The following NAALADL2 variants were observed in gnomAD, a reference collection of about 807,000 sequenced individuals.
NAALADL2 encodes the protein N-acetylated alpha-linked acidic dipeptidase like 2.
A neutral mutation model predicts 87.2 loss-of-function variants in NAALADL2; 76 were observed. That is an observed-to-expected ratio of 0.87 (90% CI 0.72 to 1.05). The LOEUF (loss-of-function observed/expected upper bound fraction) is 1.05, where lower values mean the gene tolerates loss of function less well. Ranked by LOEUF, NAALADL2 falls within the 50% of genes least tolerant of loss-of-function variation. The probability of loss-of-function intolerance (pLI) is 0.00; values close to 1 mark genes in which losing one functional copy is unlikely to be tolerated. For synonymous variants in NAALADL2, 354 were observed against 331.0 expected (o/e 1.07, Z -0.75); for missense variants, 1,089 against 945.8 (o/e 1.15, Z -1.99).
intron 2 of NAALADL2, among the ~76,000 whole-genome samples, chr3:174,720,460 A>T (rs1731605258): frequency 6.6e-6 from 1 of 152,176 alleles, no homozygotes; most frequent in Non-Finnish European, 1.5e-5. Context: ...ATAGCTACAG[A>T]TATGAATATA....
chr3:174,713,114 C>G (rs926692747), intron 2 of NAALADL2, among the ~76,000 whole-genome samples: 2 of 152,136 alleles, frequency 1.3e-5, no homozygotes, highest in Non-Finnish European at 2.9e-5. Flanking sequence ...TCATCCATGT[C>G]CCTACAAAGG....
intron 13 of NAALADL2, among the ~76,000 whole-genome samples, chr3:175,788,088 GTTTTTT>G (rs1004422588): frequency 9.6e-6 from 1 of 104,260 alleles, no homozygotes; most frequent in African/African-American, 3.7e-5. Context: ...TTTTTTACCT[GTTTTTT>G]TTTTTTTTTT....
intron 3 of NAALADL2, among the ~76,000 whole-genome samples, chr3:174,770,522 T>C (rs929720144): frequency 1.3e-5 from 2 of 152,208 alleles, no homozygotes; most frequent in African/African-American, 4.8e-5. Flanking sequence ...TCAGTAGGTT[T>C]TTGTCTTAAG....
At chr3:175,266,852 C>T (rs1752010807) in intron 4 of NAALADL2, among the ~76,000 whole-genome samples, 1 of 151,666 alleles carries the variant, frequency 6.6e-6, no homozygotes, top group African/African-American at 2.4e-5. Context: ...ATAGTACAAC[C>T]TGGTGAAGGT....
intron 2 of NAALADL2, among the ~76,000 whole-genome samples, chr3:174,570,060 C>G (rs567680961): frequency 6.6e-6 from 1 of 152,226 alleles, no homozygotes; most frequent in African/African-American, 2.4e-5. Flanking sequence ...CTGGAAAGCA[C>G]TTCCAGTCAG....
chr3:175,065,131 A>C (rs1714307893), intron 1 of NAALADL2, among the ~76,000 whole-genome samples: 1 of 152,138 alleles, frequency 6.6e-6, no homozygotes, highest in Admixed American at 6.6e-5. Context: ...AGTGACTTTG[A>C]TGTCAGAGCT....
intron 10 of NAALADL2, among the ~76,000 whole-genome samples, chr3:175,593,993 T>C (rs935413145): frequency 2.6e-5 from 4 of 151,950 alleles, no homozygotes; most frequent in Admixed American, 2.6e-4. Flanking sequence ...TTTTTTTTTT[T>C]TAATTTCAAC....
intron 2 of NAALADL2, among the ~76,000 whole-genome samples, chr3:175,104,602 T>C (rs777214802): frequency 6.6e-6 from 1 of 152,116 alleles, no homozygotes; most frequent in Non-Finnish European, 1.5e-5. Flanking sequence ...AATTTCAGTA[T>C]TAAAATGAAT....
chr3:175,125,839 T>G (rs749647370), intron 2 of NAALADL2, among the ~76,000 whole-genome samples: 1 of 151,992 alleles, frequency 6.6e-6, no homozygotes, highest in Non-Finnish European at 1.5e-5. Context: ...GTGAGACTAG[T>G]GGAGATTACC....
intron 11 of NAALADL2, among the ~76,000 whole-genome samples, chr3:175,653,017 C>T (rs1730995800): frequency 2.0e-5 from 3 of 151,968 alleles, no homozygotes. Context: ...TGTATTCTTA[C>T]AATAAAGCAA....
chr3:174,549,182 G>A (rs1318947158), intron 1 of NAALADL2, among the ~76,000 whole-genome samples: 1 of 152,154 alleles, frequency 6.6e-6, no homozygotes, highest in African/African-American at 2.4e-5. Context: ...TATTTACAAT[G>A]CAACTTTAAA....
intron 7 of NAALADL2, among the ~76,000 whole-genome samples, chr3:175,466,183 A>G (rs1723992697): frequency 6.6e-6 from 1 of 152,202 alleles, no homozygotes; most frequent in Admixed American, 6.5e-5. Context: ...TTCAATGAAG[A>G]AAAATTTTTG....
chr3:175,464,757 T>C (rs1036395603), intron 7 of NAALADL2, among the ~76,000 whole-genome samples: 1 of 152,208 alleles, frequency 6.6e-6, no homozygotes, highest in African/African-American at 2.4e-5. Flanking sequence ...AGTTATTTTC[T>C]CCGATTTCTT....
chr3:174,628,310 T>C (rs1339156800), intron 2 of NAALADL2, among the ~76,000 whole-genome samples: 1 of 151,796 alleles, frequency 6.6e-6, no homozygotes, highest in Non-Finnish European at 1.5e-5. Context: ...ATCCCGTCTC[T>C]ATTAAAAATA....
chr3:175,618,676 G>T (rs1725709614), intron 10 of NAALADL2, among the ~76,000 whole-genome samples: 2 of 152,090 alleles, frequency 1.3e-5, no homozygotes, highest in East Asian at 3.9e-4. Context: ...TGGAGGGAGA[G>T]AGAGAAAAGG....
intron 1 of NAALADL2, among the ~76,000 whole-genome samples, chr3:174,937,656 A>G (rs1252123881): frequency 6.6e-6 from 1 of 152,102 alleles, no homozygotes; most frequent in Non-Finnish European, 1.5e-5. Flanking sequence ...GCAACTTGCC[A>G]GAAGATAGTA....
intron 9 of NAALADL2, among the ~76,000 whole-genome samples, chr3:175,516,784 C>T (rs2216510): frequency 1.5e-4 from 23 of 152,196 alleles, no homozygotes; most frequent in African/African-American, 5.3e-4. Context: ...CATAAGAGGA[C>T]TCAATATTTT....
chr3:174,486,768 A>G (rs1033472186), intron 1 of NAALADL2, among the ~76,000 whole-genome samples: 1 of 151,978 alleles, frequency 6.6e-6, no homozygotes, highest in African/African-American at 2.4e-5. Context: ...ACTATACAAT[A>G]GTTAATTAGT....
At chr3:174,495,985 ACCT>A (rs982213157) in intron 1 of NAALADL2, among the ~76,000 whole-genome samples, 1 of 152,072 alleles carries the variant, frequency 6.6e-6, no homozygotes, top group Non-Finnish European at 1.5e-5. Flanking sequence ...GAACTCTATG[ACCT>A]CCTAGGCCTT....
Sources: allele counts gnomAD v4.1 joint callset (sites outside exome capture counted in the v4.1 genomes callset), GRCh38; gene constraint gnomAD v4.1.1; transcripts MANE v1.5; gene names NCBI Gene and HGNC (gene_info 2026-07-23, HGNC 2026-07-21).